The following ZNF600 variants were observed in gnomAD, a reference collection of about 807,000 sequenced individuals.
ZNF600 encodes the protein zinc finger protein 600.
In ZNF600, 4 loss-of-function variants were observed where a neutral mutation model predicts 7.3. The ratio of observed to expected loss-of-function variants is 0.55; its 90% CI spans 0.27 to 1.25. ZNF600 has a LOEUF of 1.25. ZNF600 is among the 50% of genes most tolerant of loss of function. ZNF600 has a pLI of 0.12. For synonymous variants in ZNF600, 290 were observed against 308.9 expected, an observed-to-expected ratio of 0.94 and a Z score of 0.64; for missense variants, 911 against 922.1, an observed-to-expected ratio of 0.99 and a Z score of 0.16.
At chr19:52,810,779 C>T in the ZNF600 span, 1 of 393,498 alleles carries the variant, frequency 2.5e-6, no homozygotes, top group Non-Finnish European at 4.1e-6. Context: ...AAAAAAAAAC[C>T]CAAAAAAAAC....
chr19:52,781,333 G>A (rs1289920967), intron 1 of ZNF600: 1 of 151,996 alleles, frequency 6.6e-6, no homozygotes, highest in African/African-American at 2.4e-5. Context: ...GTTACAGGTG[G>A]GCTCACTGAG....
the ZNF600 span, chr19:52,817,818 G>A: frequency 6.4e-7 from 1 of 1,554,868 alleles, no homozygotes; most frequent in Admixed American, 1.7e-5. Context: ...ACTGAAGGAA[G>A]GCATGGGTGA....
the ZNF600 span, among the ~76,000 whole-genome samples, chr19:52,823,668 C>G: frequency 6.6e-6 from 1 of 152,156 alleles, no homozygotes; most frequent in Non-Finnish European, 1.5e-5. Context: ...GATATAGGTA[C>G]TATCGCCCTT....
rs8106925 is a variant in ZNF600, at chr19:52,767,825, T to C, written c.191-53A>G. The C allele has an allele frequency of 7.4e-4, 1,113 of 1,507,546 alleles. 11 individuals carry two copies. In the African/African-American group the frequency reaches 0.014, roughly 19 times the overall value. The allele number at this position is 1,507,546 out of a possible 1,614,324, so 93.4% of individuals were successfully genotyped here. ...CCAATTAAGTACAGATGGTAAATCA[T>C]ACTGAAGTGTGTAAATATGACACAA... is the stretch of plus-strand genomic sequence containing the variant. On this transcript the variant is annotated intron_variant, in intron 3 of 3. Transcript: ENST00000648973.
the ZNF600 span, among the ~76,000 whole-genome samples, chr19:52,824,181 C>CA: frequency 1.3e-3 from 199 of 151,352 alleles, 2 homozygotes; most frequent in East Asian, 0.026. Context: ...AAACAAAAAA[C>CA]AAAAAAAACA....
upstream of ZNF600, among the ~76,000 whole-genome samples, chr19:52,787,345 A>G (rs1187593540): frequency 1.3e-5 from 2 of 151,686 alleles, no homozygotes; most frequent in African/African-American, 4.8e-5. Flanking sequence ...CCTGGGCGAC[A>G]AAGTAACACC....
At chr19:52,800,707 C>T in the ZNF600 span, 15 of 1,613,788 alleles carry the variant, frequency 9.3e-6, 1 homozygote, top group Non-Finnish European at 1.3e-5. Flanking sequence ...TAAGGTTTCT[C>T]TCCAGTATGA....
the ZNF600 span, chr19:52,800,209 T>C: frequency 3.1e-6 from 5 of 1,613,408 alleles, no homozygotes; most frequent in African/African-American, 4.0e-5. Context: ...TTCTCTGCAG[T>C]ATGAAGTTTA....
At chr19:52,767,824 A>G (rs2062601387) in intron 3 of ZNF600, 52 bp from the exon 6 acceptor site, 1 of 1,508,238 alleles carries the variant, frequency 6.6e-7, no homozygotes, top group African/African-American at 1.4e-5. Context: ...ATGGTAAATC[A>G]TACTGAAGTG....
chr19:52,811,660 C>T, the ZNF600 span, among the ~76,000 whole-genome samples: 64,957 of 139,002 alleles, frequency 0.47, 16,902 homozygotes, highest in Non-Finnish European at 0.63. Flanking sequence ...GCCTGGCAAC[C>T]GCCCCGTCTG....
intron 1 of ZNF600, among the ~76,000 whole-genome samples, chr19:52,785,812 T>TG (rs956366513): frequency 6.6e-6 from 1 of 152,160 alleles, no homozygotes; most frequent in Non-Finnish European, 1.5e-5. Context: ...TCCCTCACTC[T>TG]GGTGAGCCTC....
At chr19:52,820,216 C>T in the ZNF600 span, among the ~76,000 whole-genome samples, 1 of 136,318 alleles carries the variant, frequency 7.3e-6, no homozygotes, top group Non-Finnish European at 1.5e-5. Flanking sequence ...TTCCCGGGTT[C>T]ACGCCATTCT....
At chr19:52,811,162 G>A in the ZNF600 span, among the ~76,000 whole-genome samples, 13 of 150,744 alleles carry the variant, frequency 8.6e-5, no homozygotes, top group Admixed American at 1.3e-4. Flanking sequence ...CCGAGGTGCC[G>A]GGATTGCAGA....
At chr19:52,819,237 T>C in the ZNF600 span, among the ~76,000 whole-genome samples, 62,185 of 123,940 alleles carry the variant, frequency 0.5, 19,211 homozygotes, top group Non-Finnish European at 0.66. Flanking sequence ...AGTGAAGAGT[T>C]GGGCTTTTGT....
chr19:52,766,356 T>C (rs2062576848), exon 4 of ZNF600: 3 of 1,614,088 alleles, frequency 1.9e-6, no homozygotes, highest in African/African-American at 1.3e-5. Context: ...GTATGGTTTC[T>C]CTCCGGTGTG....
At chr19:52,799,541 A>C in the ZNF600 span, 2 of 1,417,900 alleles carry the variant, frequency 1.4e-6, no homozygotes, top group South Asian at 2.4e-5. Flanking sequence ...CTCCAGTATG[A>C]ATGGCTTTGT....
chr19:52,792,516 G>A, the ZNF600 span, among the ~76,000 whole-genome samples: 1 of 151,964 alleles, frequency 6.6e-6, no homozygotes, highest in Non-Finnish European at 1.5e-5. Context: ...TCGTGCCACT[G>A]CACTCCAGCC....
At chr19:52,822,236 T>A in the ZNF600 span, among the ~76,000 whole-genome samples, 7 of 151,892 alleles carry the variant, frequency 4.6e-5, no homozygotes, top group Admixed American at 2.0e-4. Context: ...CATGCCCGGT[T>A]AATTTTTGTA....
the ZNF600 span, chr19:52,800,925 A>T: frequency 6.2e-7 from 1 of 1,614,098 alleles, no homozygotes. Context: ...GCGACTGAAA[A>T]CTTTGTCACA....
Sources: gnomAD v4.1 joint callset for allele counts (sites outside exome capture counted in the v4.1 genomes callset) on GRCh38, gnomAD v4.1.1 for gene constraint, MANE v1.5 for transcripts, NCBI Gene and HGNC (gene_info 2026-07-23, HGNC 2026-07-21) for gene names.